Variants in MEG3 observed in about 807,000 individuals in gnomAD.
The protein encoded by MEG3 is Very putative protein from MEG3 locus.
At chr14:100,826,992 A>G in intron 1 of MEG3, among the ~76,000 whole-genome samples, 1 of 150,798 alleles carries the variant, frequency 6.6e-6, no homozygotes. Flanking sequence ...TGGGGAGGAG[A>G]GAAGGCCGTG....
At chr14:100,836,221 G>A (rs1456921106) in exon 2 of MEG3, 3 of 456,450 alleles carry the variant, frequency 6.6e-6, no homozygotes, top group Non-Finnish European at 1.3e-5. Context: ...TGGAAGCTGC[G>A]GAAGAGGCCC....
At chr14:100,852,271 T>C (rs2038104027), upstream of MEG3, 3 of 514,748 alleles carry the variant, frequency 5.8e-6, no homozygotes, top group African/African-American at 5.8e-5. Flanking sequence ...TATGGGGTTA[T>C]AGACAGGATA....
upstream of MEG3, chr14:100,856,288 C>T (rs1168705662): frequency 6.6e-6 from 1 of 152,528 alleles, no homozygotes; most frequent in African/African-American, 2.4e-5. Context: ...CCCTGAGTTC[C>T]TGCTGCCTGG....
chr14:100,827,913 G>A (rs1043373561), intron 1 of MEG3, among the ~76,000 whole-genome samples: 1 of 152,222 alleles, frequency 6.6e-6, no homozygotes, highest in East Asian at 1.9e-4. Context: ...AGCAGGCGGA[G>A]CGGCGCTCCA....
intron 3 of MEG3, chr14:100,852,177 G>A (rs537894393): frequency 1.2e-4 from 44 of 371,182 alleles, no homozygotes; most frequent in African/African-American, 8.0e-4. Context: ...GAGTGCGGGC[G>A]CAGGCATGGA....
At chr14:100,841,788 C>T (rs906488267) in intron 2 of MEG3, among the ~76,000 whole-genome samples, 3 of 152,214 alleles carry the variant, frequency 2.0e-5, no homozygotes, top group Non-Finnish European at 4.4e-5. Context: ...GTCTGGAACA[C>T]CTTTTTGGTC....
chr14:100,843,420 G>C (rs1324492633), intron 2 of MEG3, among the ~76,000 whole-genome samples: 1 of 152,146 alleles, frequency 6.6e-6, no homozygotes, highest in African/African-American at 2.4e-5. Context: ...AAACGGTCTC[G>C]AGTGGTGGTC....
At position 100,826,315 on chromosome 14, in the gene MEG3, GC is replaced by G. The variant is rs1449074254; in HGVS notation, n.372-2391del. The G allele has an allele frequency of 3.3e-5, 5 of 152,408 alleles. No individual in the cohort carries two copies. In the East Asian group the frequency reaches 9.6e-4, roughly 29 times the overall value. 9.4% of individuals were successfully genotyped at this position (152,408 alleles called of 1,614,324 possible). The stretch of plus-strand genomic sequence containing the variant: ...GTCCTCCTGGACATGCCGAGAGCCT[GC>G]CTGATCCTGGGTCCTGCTGCTGGAG... On this transcript the variant is annotated intron_variant and non_coding_transcript_variant, in intron 1 of 2. Coordinates refer to ENST00000556407, the Ensembl canonical transcript of MEG3.
At chr14:100,834,452 T>A (rs2037493972) in exon 1 of MEG3, 4 of 313,076 alleles carry the variant, frequency 1.3e-5, no homozygotes, top group South Asian at 1.1e-4. Flanking sequence ...ACTCCCCACG[T>A]CCCCATCCTG....
downstream of MEG3, chr14:100,833,883 C>T (rs1157242981): frequency 6.6e-6 from 1 of 152,222 alleles, no homozygotes; most frequent in Non-Finnish European, 1.5e-5. Flanking sequence ...ACGGGACCTT[C>T]CTCCCTTAGT....
At chr14:100,853,349 C>G (rs3742397), upstream of MEG3, 42,598 of 152,004 alleles carry the variant, frequency 0.28, 6,955 homozygotes, top group Admixed American at 0.38. Flanking sequence ...GCCTCAGGAC[C>G]TCTGGGATAG....
At chr14:100,841,602 C>T (rs1162581768) in intron 2 of MEG3, among the ~76,000 whole-genome samples, 2 of 152,172 alleles carry the variant, frequency 1.3e-5, no homozygotes, top group Non-Finnish European at 2.9e-5. Flanking sequence ...AGGTGAAGCC[C>T]CTGCCAGTTG....
At chr14:100,852,446 C>T (rs562499279), upstream of MEG3, 18 of 533,806 alleles carry the variant, frequency 3.4e-5, no homozygotes, top group East Asian at 2.2e-4. Flanking sequence ...AGCTGGGCCT[C>T]GTGGGCCTGA....
At chr14:100,842,254 T>G (rs1172269090) in intron 2 of MEG3, among the ~76,000 whole-genome samples, 7 of 152,146 alleles carry the variant, frequency 4.6e-5, no homozygotes, top group African/African-American at 1.7e-4. Flanking sequence ...CCTCCGCCAC[T>G]CCATCCATTA....
At chr14:100,856,579 G>A (rs1487844934), upstream of MEG3, 1 of 152,692 alleles carries the variant, frequency 6.5e-6, no homozygotes, top group Non-Finnish European at 1.5e-5. Flanking sequence ...GGAGTGAGGA[G>A]AAAAGGCCAG....
At chr14:100,853,784 C>G (rs2038160779), upstream of MEG3, 1 of 152,176 alleles carries the variant, frequency 6.6e-6, no homozygotes, top group South Asian at 2.1e-4. Flanking sequence ...GCTTAAAACA[C>G]CCTTTTTTTC....
upstream of MEG3, chr14:100,856,259 C>G (rs2140007433): frequency 6.6e-6 from 1 of 152,504 alleles, no homozygotes; most frequent in African/African-American, 2.4e-5. Context: ...TCCTGCAGGT[C>G]CCAGACCAGG....
In MEG3 at chr14:100,845,482, C is replaced by T. The variant is rs769394795; in HGVS notation, n.3070C>T. 4.2e-5 allele frequency: 19 copies of T among 456,648 alleles called. No homozygotes were observed. Among genetic ancestry groups the T allele is most frequent in the Non-Finnish European group, 6.2e-5 (14 of 226,984 alleles). The allele number at this position is 456,648 out of a possible 1,614,324, so 28.3% of individuals were successfully genotyped here. ...GCGGAAGCCATCACCTGGATGCCTA[C>T]GTGGGAAGGGACCTCGAATGTGGGA... On this transcript the variant is annotated non_coding_transcript_exon_variant, in exon 3 of 4. Transcript: ENST00000398461. This position sits in a 1 kb window ranked among gnomAD's most constrained non-coding sequence, Gnocchi z 5.2.
At chr14:100,860,803 G>A (rs939597763) in exon 2 of MEG3, 9 of 432,142 alleles carry the variant, frequency 2.1e-5, no homozygotes, top group Middle Eastern at 3.5e-4. Context: ...ACTGATGGAC[G>A]CCGCTGACCT....
Sources: gnomAD v4.1 joint callset for allele counts (sites outside exome capture counted in the v4.1 genomes callset) on GRCh38, gnomAD v4.1.1 for gene constraint, Gnocchi (gnomAD v3.1) non-coding constraint, MANE v1.5 for transcripts, NCBI Gene and HGNC (gene_info 2026-07-23, HGNC 2026-07-21) for gene names.